HTR2A: variants seen among roughly 807,000 people sequenced by gnomAD.
HTR2A encodes 5-hydroxytryptamine receptor 2A.
In HTR2A, 14 loss-of-function variants were observed where a neutral mutation model predicts 31.0. That is an observed-to-expected ratio of 0.45 (90% CI 0.30 to 0.71). The LOEUF is 0.71. Ranked by LOEUF, HTR2A falls within the 30% of genes least tolerant of loss-of-function variation. The pLI is 0.09. For missense variants in HTR2A, 442 were observed against 573.3 expected (o/e 0.77, Z 2.34); for synonymous variants, 209 against 225.2 (o/e 0.93, Z 0.64).
chr13:46,896,683 CAG>C lies in HTR2A; in HGVS notation c.-340_-339del, dbSNP rs571591724. ...CGGCATGAGAACTTACATTTGTCTT[CAG>C]GGTCCACACATGAGATACATTTGTT... is the stretch of plus-strand genomic sequence containing the variant. On this transcript the variant is annotated 5_prime_UTR_variant, in exon 1 of 4. The change abolishes the stop of an existing upstream ORF in the 5' untranslated region. Coordinates refer to ENST00000542664, the MANE Select transcript of HTR2A (RefSeq NM_000621.5). 6.5e-7 allele frequency: 1 copy of C among 1,527,586 alleles called. No individual in the cohort carries two copies. 94.6% of individuals were successfully genotyped at this position (1,527,586 alleles called of 1,614,324 possible).
rs1378318520 is a variant in HTR2A, at chr13:46,895,266, G to A, written c.412+229C>T. ...ATGATCATTTTTACACAGGATGTAC[G>A]CGTTTTGAAGCACAAAACTCTCCAG... On this transcript the variant is annotated intron_variant, in intron 2 of 3. Transcript: ENST00000542664. This position sits in a 1 kb window ranked among gnomAD's most constrained non-coding sequence, Gnocchi z 4.4. 4.3e-5 allele frequency: 20 copies of A among 460,410 alleles called. No individual in the cohort carries two copies. The Admixed American group carries it at 4.9e-4, about 11-fold the overall frequency. The allele number at this position is 460,410 out of a possible 1,614,324, so 28.5% of individuals were successfully genotyped here. A position where few individuals can be genotyped will look rare whatever the true frequency, so the allele number is the denominator to read the frequency against.
chr13:46,838,035 G>A (rs974631553), intron 3 of HTR2A, among the ~76,000 whole-genome samples: 1 of 152,176 alleles, frequency 6.6e-6, no homozygotes, highest in Non-Finnish European at 1.5e-5. Context: ...TGCCTCCAAG[G>A]AGAACATCCT....
intron 3 of HTR2A, among the ~76,000 whole-genome samples, chr13:46,887,894 A>G (rs1204160178): frequency 1.3e-5 from 2 of 151,356 alleles, no homozygotes; most frequent in African/African-American, 4.9e-5. Flanking sequence ...GTGGGGATCA[A>G]CACACACTGG....
At chr13:46,842,587 A>G (rs1950607360) in intron 3 of HTR2A, among the ~76,000 whole-genome samples, 1 of 152,166 alleles carries the variant, frequency 6.6e-6, no homozygotes, top group Non-Finnish European at 1.5e-5. Flanking sequence ...ATATTACACA[A>G]GAGCCTATAG....
rs564603033 is a variant in HTR2A at position 46,894,128 on chromosome 13, T to A, written c.412+1367A>T. On this transcript the variant is annotated intron_variant, in intron 2 of 3. Coordinates refer to ENST00000542664, the MANE Select transcript of HTR2A (RefSeq NM_000621.5). Reference sequence around the variant, plus strand: ...TGCGGGATAAGGAGGGGGCATTTCCTTGTGGGAGAAGCCCCATGCCCCACG... The same window carrying A: ...TGCGGGATAAGGAGGGGGCATTTCCATGTGGGAGAAGCCCCATGCCCCACG... Among the ~76,000 whole-genome samples, 5 of 152,318 alleles carry A rather than the reference T, an allele frequency of 3.3e-5. No homozygotes were observed. In the South Asian group the frequency reaches 1.0e-3, roughly 32 times the overall value.
At chr13:46,854,490 C>A (rs1235794362) in intron 3 of HTR2A, among the ~76,000 whole-genome samples, 1 of 152,184 alleles carries the variant, frequency 6.6e-6, no homozygotes, top group Non-Finnish European at 1.5e-5. Context: ...AGAGCTCATG[C>A]AATTTGGTTC....
At chr13:46,883,325 C>G (rs1219010138) in intron 3 of HTR2A, among the ~76,000 whole-genome samples, 1 of 151,424 alleles carries the variant, frequency 6.6e-6, no homozygotes, top group African/African-American at 2.4e-5. Flanking sequence ...TAAATGTAAC[C>G]CAGCTTGCCT....
chr13:46,891,346 C>T (rs1566320990), intron 3 of HTR2A, among the ~76,000 whole-genome samples: 2 of 152,202 alleles, frequency 1.3e-5, no homozygotes, highest in East Asian at 1.9e-4. Context: ...CTTTGCACAG[C>T]TCATTTTGCT....
Position 46,896,771 on chromosome 13 carries a change from A to G in HTR2A, c.-426T>C. The G allele has an allele frequency of 1.2e-5, 18 of 1,536,546 alleles. 1 individual carries two copies. Among genetic ancestry groups the G allele is most frequent in the Non-Finnish European group, 1.4e-5 (16 of 1,146,420 alleles). ...ACTGGTGTAGAGTCCCCTCTTCTTGATCTTCCACCAGCATAATATGATAGT... is the reference window on the plus strand; with the variant it reads ...ACTGGTGTAGAGTCCCCTCTTCTTGGTCTTCCACCAGCATAATATGATAGT... On this transcript the variant is annotated 5_prime_UTR_variant, in exon 1 of 4. Transcript: ENST00000542664.
chr13:46,876,774 A>T (rs545728598), intron 3 of HTR2A, among the ~76,000 whole-genome samples: 1 of 152,046 alleles, frequency 6.6e-6, no homozygotes, highest in African/African-American at 2.4e-5. Context: ...CTTTTGCTAG[A>T]TGCTTTATGT....
rs539828751 is a variant in HTR2A at position 46,886,589 on chromosome 13, T to C, written c.613+5801A>G. On this transcript the variant is annotated intron_variant, in intron 3 of 3. Coordinates refer to ENST00000542664, the MANE Select transcript of HTR2A (RefSeq NM_000621.5). ...CCTGGGGAGAGTCAAACAAAAAAGA[T>C]AGAGTAATATTAGTACCACATAAAG... Among the ~76,000 whole-genome samples the C allele has an allele frequency of 3.9e-4, 59 of 152,160 alleles. 1 individual carries two copies. Among genetic ancestry groups the C allele is most frequent in the East Asian group, 2.1e-3 (11 of 5,182 alleles).
In HTR2A at chr13:46,835,620, T is replaced by A; in HGVS notation, c.633A>T (p.Pro211=). The A allele has an allele frequency of 6.2e-7, 1 of 1,613,234 alleles. No homozygotes were observed. Among genetic ancestry groups the A allele is most frequent in the Middle Eastern group, 1.7e-4 (1 of 6,032 alleles). ...TISVGISMPI[P]VFGLQDDSKV... ...TCGAATCGTCCTGTAGCCCAAAGAC[T>A]GGTATTGGCATGGATATACCTGGAG... The change falls in exon 4 of 4, where the codon CCA becomes CCT. Residue 211 remains proline (P), a synonymous_variant. Transcript: ENST00000542664.
Position 46,832,593 on chromosome 13 carries a change from G to A in HTR2A, c.*2244C>T, listed in dbSNP as rs1202357053. 1.3e-5 allele frequency: 2 copies of A among 152,156 alleles called. No homozygotes were observed. Among genetic ancestry groups the A allele is most frequent in the Non-Finnish European group, 2.9e-5 (2 of 68,006 alleles). The allele number at this position is 152,156 out of a possible 1,614,324, so 9.4% of individuals were successfully genotyped here. A position where few individuals can be genotyped will look rare whatever the true frequency, so the allele number is the denominator to read the frequency against. ...TTACAAGTGAAGGCAAAATACATTA[G>A]AGTGGAGACATTTTAACATTTATAT... On this transcript the variant is annotated 3_prime_UTR_variant, in exon 4 of 4. Coordinates refer to ENST00000542664, the MANE Select transcript of HTR2A (RefSeq NM_000621.5).
rs534207063 is a variant in HTR2A, at chr13:46,837,163, G to GC, written c.614-1525dup. On this transcript the variant is annotated intron_variant, in intron 3 of 3. Transcript: ENST00000542664. ...CCCCTGGCCTCTAATCATGCTATGTGCCCCACTTGATGATAGGACCTTTTT... is the reference window on the plus strand; with the variant it reads ...CCCCTGGCCTCTAATCATGCTATGTGCCCCCACTTGATGATAGGACCTTTTT... Among the ~76,000 whole-genome samples, 51 of 152,208 alleles carry GC rather than the reference G, an allele frequency of 3.4e-4. 1 individual carries two copies. The East Asian group carries it at 8.1e-3, about 24-fold the overall frequency.
At chr13:46,862,772 A>G (rs1328675328) in intron 3 of HTR2A, among the ~76,000 whole-genome samples, 3 of 152,220 alleles carry the variant, frequency 2.0e-5, no homozygotes, top group Admixed American at 2.0e-4. Context: ...TTTGAATGCC[A>G]CTATTGTCAG....
chr13:46,890,525 TATC>T (rs1344455094), intron 3 of HTR2A, among the ~76,000 whole-genome samples: 1 of 152,206 alleles, frequency 6.6e-6, no homozygotes, highest in Non-Finnish European at 1.5e-5. Flanking sequence ...TTATAAGTGA[TATC>T]ATCCTGTGCA....
chr13:46,837,121 G>A (rs1172886002), intron 3 of HTR2A, among the ~76,000 whole-genome samples: 1 of 152,190 alleles, frequency 6.6e-6, no homozygotes, highest in Non-Finnish European at 1.5e-5. Context: ...GGAGGAAGCA[G>A]AAGTGAATAA....
chr13:46,866,960 A>G (rs1392748844), intron 3 of HTR2A, among the ~76,000 whole-genome samples: 1 of 152,222 alleles, frequency 6.6e-6, no homozygotes, highest in African/African-American at 2.4e-5. Flanking sequence ...TGGGAGGCAG[A>G]GGTTGCAGTG....
At chr13:46,873,247 AG>A (rs35774769) in intron 3 of HTR2A, among the ~76,000 whole-genome samples, 37,876 of 151,638 alleles carry the variant, frequency 0.25, 5,056 homozygotes, top group African/African-American at 0.31. Context: ...CTGATTACAT[AG>A]ACACCACTTT....
Sources: gnomAD v4.1 joint callset for allele counts (sites outside exome capture counted in the v4.1 genomes callset) on GRCh38, gnomAD v4.1.1 for gene constraint, Gnocchi (gnomAD v3.1) non-coding constraint, MANE v1.5 for transcripts, NCBI Gene and HGNC (gene_info 2026-07-23, HGNC 2026-07-21) for gene names.